SAMD5: variants seen among roughly 807,000 people sequenced by gnomAD.
The protein encoded by SAMD5 is sterile alpha motif domain containing 5, also known as sterile alpha motif domain-containing protein 5.
A neutral mutation model predicts 11.3 loss-of-function variants in SAMD5; 13 were observed. The observed-to-expected ratio is 1.15, with a 90% confidence interval of 0.75 to 1.83. The LOEUF is 1.83. Ranked by LOEUF, SAMD5 falls within the 40% of genes most tolerant of loss-of-function variation. The probability of loss-of-function intolerance (pLI) is 0.00; values close to 1 mark genes in which losing one functional copy is unlikely to be tolerated. For synonymous variants in SAMD5, 129 were observed against 111.3 expected (o/e 1.16, Z -1.00); for missense variants, 255 against 239.1 (o/e 1.07, Z -0.44).
At chr6:147,606,739 CAATT>C (rs1479380344) in intron 1 of SAMD5, among the ~76,000 whole-genome samples, 5 of 151,678 alleles carry the variant, frequency 3.3e-5, no homozygotes, top group Admixed American at 6.6e-5. Context: ...TATATACTCT[CAATT>C]AATCCTCACA....
intron 1 of SAMD5, among the ~76,000 whole-genome samples, chr6:147,631,969 G>A (rs949281972): frequency 6.6e-6 from 1 of 152,198 alleles, no homozygotes; most frequent in East Asian, 1.9e-4. Flanking sequence ...AGAATAGAAT[G>A]GGGCTATGAG....
chr6:147,540,583 T>C (rs1024491977), intron 1 of SAMD5, among the ~76,000 whole-genome samples: 8 of 152,192 alleles, frequency 5.3e-5, no homozygotes, highest in Admixed American at 5.2e-4. Flanking sequence ...TGCAAGCTTA[T>C]GGGGGTCTTA....
the SAMD5 span, among the ~76,000 whole-genome samples, chr6:147,852,417 G>A: frequency 2.0e-3 from 308 of 152,110 alleles, 8 homozygotes; most frequent in East Asian, 0.051. Context: ...GAATAATTAC[G>A]TGGTATTTCC....
chr6:147,905,399 T>C, the SAMD5 span, among the ~76,000 whole-genome samples: 8 of 152,236 alleles, frequency 5.3e-5, no homozygotes, highest in African/African-American at 1.9e-4. Context: ...CAGGCTGGGC[T>C]CGAGCTCCTG....
chr6:147,686,639 A>T (rs145444791), intron 1 of SAMD5, among the ~76,000 whole-genome samples: 1 of 151,548 alleles, frequency 6.6e-6, no homozygotes, highest in African/African-American at 2.4e-5. Flanking sequence ...ATATTTTTCT[A>T]TGCTTTCCAA....
intron 1 of SAMD5, among the ~76,000 whole-genome samples, chr6:147,610,573 A>G (rs1583105354): frequency 6.6e-6 from 1 of 152,240 alleles, no homozygotes; most frequent in Non-Finnish European, 1.5e-5. Flanking sequence ...TGGACATGAC[A>G]AAGTAGCACC....
chr6:147,777,944 G>C, the SAMD5 span, among the ~76,000 whole-genome samples: 380 of 152,200 alleles, frequency 2.5e-3, 1 homozygote, highest in African/African-American at 8.7e-3. Context: ...CCACCTTTTG[G>C]CTATTGTTAA....
chr6:147,949,675 T>C, the SAMD5 span, among the ~76,000 whole-genome samples: 1 of 152,204 alleles, frequency 6.6e-6, no homozygotes, highest in Non-Finnish European at 1.5e-5. Context: ...ATCTGTAACA[T>C]ACAATGACCA....
chr6:147,561,673 G>A (rs1443046437), intron 1 of SAMD5, among the ~76,000 whole-genome samples: 1 of 152,168 alleles, frequency 6.6e-6, no homozygotes, highest in Non-Finnish European at 1.5e-5. Flanking sequence ...AATGAAATAT[G>A]AGAAATGTGT....
chr6:147,613,402 C>T (rs957665108), intron 1 of SAMD5, among the ~76,000 whole-genome samples: 4 of 151,914 alleles, frequency 2.6e-5, no homozygotes, highest in Non-Finnish European at 5.9e-5. Context: ...TTCTGGCCCC[C>T]TTTCTGGCTA....
intron 1 of SAMD5, among the ~76,000 whole-genome samples, chr6:147,703,474 A>G (rs146778374): frequency 2.7e-4 from 41 of 152,326 alleles, no homozygotes; most frequent in African/African-American, 9.4e-4. Flanking sequence ...CTTACCATTA[A>G]GTAGTTTGAT....
chr6:147,905,823 C>A, the SAMD5 span, among the ~76,000 whole-genome samples: 1 of 152,112 alleles, frequency 6.6e-6, no homozygotes. Context: ...TATGCTCAAC[C>A]AAATGCCAAA....
At chr6:147,791,169 C>A in the SAMD5 span, among the ~76,000 whole-genome samples, 1 of 151,968 alleles carries the variant, frequency 6.6e-6, no homozygotes, top group Admixed American at 6.6e-5. Context: ...GTGGTGTGCA[C>A]TTGTAATCCC....
downstream of SAMD5, among the ~76,000 whole-genome samples, chr6:147,574,121 G>A (rs1323291520): frequency 7.1e-6 from 1 of 140,636 alleles, no homozygotes; most frequent in Non-Finnish European, 1.6e-5. Flanking sequence ...GAGCGAGACT[G>A]TGTCTCAAAA....
chr6:147,753,527 C>T, the SAMD5 span, among the ~76,000 whole-genome samples: 4,979 of 152,110 alleles, frequency 0.033, 135 homozygotes, highest in Non-Finnish European at 0.05. Flanking sequence ...GATAGGTATC[C>T]GTCCCCTCAA....
intron 1 of SAMD5, among the ~76,000 whole-genome samples, chr6:147,536,437 T>C (rs1788510437): frequency 6.6e-6 from 1 of 152,246 alleles, no homozygotes; most frequent in Non-Finnish European, 1.5e-5. Flanking sequence ...TTGTTAAAAG[T>C]TGCAAATAGC....
downstream of SAMD5, among the ~76,000 whole-genome samples, chr6:147,570,335 G>C (rs844590): frequency 7.1e-3 from 1,087 of 152,188 alleles, 2 homozygotes; most frequent in Non-Finnish European, 0.012. Context: ...GGGGGCTGTC[G>C]GGTGGTAAGA....
the SAMD5 span, among the ~76,000 whole-genome samples, chr6:147,864,961 C>A: frequency 6.6e-6 from 1 of 152,128 alleles, no homozygotes; most frequent in South Asian, 2.1e-4. Flanking sequence ...GTAAGTGAAA[C>A]CTGCAAGATT....
the SAMD5 span, among the ~76,000 whole-genome samples, chr6:147,750,008 A>G: frequency 6.6e-6 from 1 of 152,182 alleles, no homozygotes; most frequent in Admixed American, 6.5e-5. Context: ...CTGAATGCAT[A>G]TCACACCCCT....
Sources: gnomAD v4.1 joint callset for allele counts (sites outside exome capture counted in the v4.1 genomes callset) on GRCh38, gnomAD v4.1.1 for gene constraint, MANE v1.5 for transcripts, NCBI Gene and HGNC (gene_info 2026-07-23, HGNC 2026-07-21) for gene names.